PTPRQ: variants seen among roughly 807,000 people sequenced by gnomAD.
The protein encoded by PTPRQ is protein tyrosine phosphatase receptor type Q, also known as phosphatidylinositol phosphatase PTPRQ.
PTPRQ carries 199 observed loss-of-function variants against 246.0 expected under a neutral mutation model. The observed-to-expected ratio is 0.81, with a 90% CI of 0.72 to 0.91. The LOEUF is 0.91. PTPRQ is among the 40% of genes least tolerant of loss of function. PTPRQ has a pLI of 0.00. For missense variants in PTPRQ, 2,624 were observed against 2,528.4 expected (o/e 1.04, Z -0.81); for synonymous variants, 869 against 853.2 (o/e 1.02, Z -0.32).
intron 26 of PTPRQ, among the ~76,000 whole-genome samples, chr12:80,589,517 T>C (rs1897722494): frequency 6.6e-6 from 1 of 152,180 alleles, no homozygotes; most frequent in Non-Finnish European, 1.5e-5. Flanking sequence ...CACACACACA[T>C]AGATTTTCAG....
intron 5 of PTPRQ, among the ~76,000 whole-genome samples, chr12:80,460,133 C>G (rs1477586621): frequency 2.0e-5 from 3 of 152,150 alleles, no homozygotes; most frequent in Admixed American, 6.5e-5. Flanking sequence ...AATGCAAACA[C>G]AGTCAAACAG....
chr12:80,504,373 T>C (rs1894891821), intron 14 of PTPRQ, among the ~76,000 whole-genome samples: 1 of 151,866 alleles, frequency 6.6e-6, no homozygotes, highest in Admixed American at 6.6e-5. Flanking sequence ...CTTGGTTATT[T>C]AATATTATTT....
At chr12:80,604,305 A>T (rs1452643071) in intron 26 of PTPRQ, among the ~76,000 whole-genome samples, 1 of 151,548 alleles carries the variant, frequency 6.6e-6, no homozygotes, top group Non-Finnish European at 1.5e-5. Context: ...CTGTGGCTAA[A>T]TCTTTCCCTG....
chr12:80,496,327 G>A lies in PTPRQ; in HGVS notation c.2068G>A (p.Glu690Lys), dbSNP rs866364601. ...AATAAGGTTGAAGTGGTCACCACCC[G>A]AAAAGCCCAATGGGATCATTATTGC... The part of the protein sequence containing the change: ...DEIRLKWSPP[E>K]KPNGIIIAYE... The change falls in exon 14 of 45, where the codon GAA becomes AAA. Residue 690 changes from glutamate (E) to lysine (K), a missense_variant. Transcript: ENST00000644991. 41 of 1,550,598 alleles carry A rather than the reference G, an allele frequency of 2.6e-5. No individual in the cohort carries two copies. In the African/African-American group the frequency reaches 3.0e-4, roughly 11 times the overall value.
intron 25 of PTPRQ, among the ~76,000 whole-genome samples, chr12:80,559,131 G>A (rs962593098): frequency 2.0e-5 from 3 of 152,086 alleles, no homozygotes; most frequent in African/African-American, 2.4e-5. Flanking sequence ...CGGAACCTCC[G>A]CCTCCCGGGT....
At chr12:80,470,715 T>C (rs1305997195) in intron 7 of PTPRQ, among the ~76,000 whole-genome samples, 1 of 152,060 alleles carries the variant, frequency 6.6e-6, no homozygotes, top group East Asian at 1.9e-4. Context: ...GGAAATCAAG[T>C]GGTGAGGGGC....
chr12:80,622,074 G>A lies in PTPRQ; in HGVS notation c.5626G>A (p.Ala1876Thr), dbSNP rs1899015148. 7.0e-7 allele frequency: 1 copy of A among 1,423,582 alleles called. No homozygotes were observed. The highest frequency in any genetic ancestry group is 1.5e-5 in the African/African-American group (1 of 66,608). The allele number at this position is 1,423,582 out of a possible 1,614,324, so 88.2% of individuals were successfully genotyped here. Reference protein sequence around the residue: ...PKKQYLFKFRATNIMGQFTDS... With the variant: ...PKKQYLFKFRTTNIMGQFTDS... ...TTTATTTTATAGATTTAAATTTAGA[G>A]CTACAAATATTATGGGACAATTTAC... Residue 1876 changes from alanine (A) to threonine (T), a missense_variant, in exon 33 of 45, where the codon GCT (alanine) becomes ACT (threonine). Coordinates refer to ENST00000644991, the MANE Select transcript of PTPRQ (RefSeq NM_001145026.2).
intron 25 of PTPRQ, among the ~76,000 whole-genome samples, chr12:80,568,870 G>C (rs1298745322): frequency 6.6e-6 from 1 of 152,186 alleles, no homozygotes; most frequent in African/African-American, 2.4e-5. Context: ...GGATGAAAGA[G>C]CTAGAAGCAA....
At chr12:80,605,019 AT>A (rs1898263755) in intron 26 of PTPRQ, 39 bp from the exon 27 acceptor site, 3 of 1,508,004 alleles carry the variant, frequency 2.0e-6, no homozygotes, top group Admixed American at 4.3e-5. Flanking sequence ...GCAAGTACTA[AT>A]TCTAATGTAG....
At chr12:80,626,829 C>T (rs969382513) in intron 33 of PTPRQ, among the ~76,000 whole-genome samples, 6 of 152,154 alleles carry the variant, frequency 3.9e-5, no homozygotes, top group Non-Finnish European at 8.8e-5. Context: ...TTTCTAGCAG[C>T]TCTCTTTTCT....
intron 35 of PTPRQ, 23 bp downstream of exon 35, chr12:80,635,096 A>C: frequency 6.5e-7 from 1 of 1,547,686 alleles, no homozygotes; most frequent in South Asian, 1.2e-5. Context: ...CTCTGGGTGA[A>C]CTGTGGTCCA....
chr12:80,556,023 T>G (rs1276475628), intron 25 of PTPRQ, among the ~76,000 whole-genome samples: 2 of 152,188 alleles, frequency 1.3e-5, no homozygotes, highest in African/African-American at 4.8e-5. Context: ...TGGTCAATTT[T>G]GTGGCTTGAA....
At chr12:80,506,757 T>C in intron 16 of PTPRQ, 87 bp downstream of exon 16, 2 of 1,208,528 alleles carry the variant, frequency 1.7e-6, no homozygotes, top group Non-Finnish European at 2.3e-6. Flanking sequence ...TAAAAACTCC[T>C]CTAGTCATGG....
In PTPRQ at chr12:80,444,781, T is replaced by C. The variant is rs1032530333; in HGVS notation, c.95T>C (p.Ile32Thr). 4.5e-6 allele frequency: 7 copies of C among 1,540,502 alleles called. No individual in the cohort carries two copies. Among genetic ancestry groups the C allele is most frequent in the Middle Eastern group, 1.7e-4 (1 of 5,898 alleles). Residue 32 changes from isoleucine (I) to threonine (T), a missense_variant, in exon 2 of 45, where the codon ATA (isoleucine) becomes ACA (threonine). Physicochemically the swap from Ile to Thr is moderately conservative, Grantham distance 89 (BLOSUM62 -1). Transcript: ENST00000644991. ...GTCGTTCCTGGTACTAGGTACGATATAACCATCTCTTCAATTTCTACAACA... is the reference window on the plus strand; with the variant it reads ...GTCGTTCCTGGTACTAGGTACGATACAACCATCTCTTCAATTTCTACAACA... ...SNVVPGTRYD[I>T]TISSISTTYT...
intron 43 of PTPRQ, among the ~76,000 whole-genome samples, chr12:80,676,085 G>C (rs955553042): frequency 1.3e-5 from 2 of 152,124 alleles, no homozygotes; most frequent in Non-Finnish European, 2.9e-5. Flanking sequence ...CCAGAAGTTA[G>C]GCTCTTTACT....
intron 4 of PTPRQ, among the ~76,000 whole-genome samples, chr12:80,458,029 CT>C (rs902931973): frequency 6.1e-4 from 93 of 152,052 alleles, no homozygotes; most frequent in African/African-American, 2.2e-3. Context: ...AGTTTATATC[CT>C]GCCTTTTCTT....
chr12:80,476,561 A>T (rs978524139), intron 8 of PTPRQ, among the ~76,000 whole-genome samples: 1 of 152,222 alleles, frequency 6.6e-6, no homozygotes, highest in African/African-American at 2.4e-5. Flanking sequence ...AACTTTGTAT[A>T]GTCATAGTTA....
intron 43 of PTPRQ, among the ~76,000 whole-genome samples, chr12:80,677,372 ACC>A (rs1901178834): frequency 6.6e-6 from 1 of 152,206 alleles, no homozygotes; most frequent in Non-Finnish European, 1.5e-5. Flanking sequence ...TTCAATTCTT[ACC>A]AAAATTGAAT....
At chr12:80,483,515 T>G (rs1894153699) in intron 8 of PTPRQ, among the ~76,000 whole-genome samples, 1 of 151,836 alleles carries the variant, frequency 6.6e-6, no homozygotes, top group African/African-American at 2.4e-5. Flanking sequence ...ACCCTAAAAC[T>G]TAAAGTATAA....
Sources: gnomAD v4.1 joint callset for allele counts (sites outside exome capture counted in the v4.1 genomes callset) on GRCh38, gnomAD v4.1.1 for gene constraint, MANE v1.5 for transcripts, NCBI Gene and HGNC (gene_info 2026-07-23, HGNC 2026-07-21) for gene names.